IQSEC3: variants seen among roughly 807,000 people sequenced by gnomAD.
IQSEC3 encodes the protein IQ motif and Sec7 domain ArfGEF 3, also known as IQ motif and SEC7 domain-containing protein 3.
Under a neutral mutation model 105.4 loss-of-function variants are expected in IQSEC3, and 50 were observed. The ratio of observed to expected loss-of-function variants is 0.47; its 90% CI spans 0.38 to 0.60. IQSEC3 has a LOEUF of 0.60. Among genes scored for constraint, IQSEC3 ranks in the 20% least tolerant of loss-of-function variants. The pLI is 0.00. For missense variants in IQSEC3, 1,415 were observed against 1,630.0 expected (o/e 0.87, Z 2.27); for synonymous variants, 708 against 746.0 (o/e 0.95, Z 0.83).
chr12:156,234 A>T (rs1240827953), intron 5 of IQSEC3, among the ~76,000 whole-genome samples: 1 of 152,078 alleles, frequency 6.6e-6, no homozygotes, highest in Non-Finnish European at 1.5e-5. Context: ...AGCATTTCAG[A>T]GGTAGCAAGG....
intron 11 of IQSEC3, among the ~76,000 whole-genome samples, chr12:168,575 C>T (rs1938800279): frequency 1.3e-5 from 2 of 152,318 alleles, no homozygotes; most frequent in African/African-American, 4.8e-5. Context: ...TTAAGGAGTA[C>T]AGGTCACTAG....
chr12:120,815 T>C (rs1441207213), intron 2 of IQSEC3, among the ~76,000 whole-genome samples: 2 of 152,180 alleles, frequency 1.3e-5, no homozygotes, highest in African/African-American at 4.8e-5. Context: ...ATCAGCCTAA[T>C]GTCATGTGAA....
chr12:141,166 C>T lies in IQSEC3; in HGVS notation c.2034C>T (p.Phe678=), dbSNP rs1866008168. 1.2e-6 allele frequency: 2 copies of T among 1,612,248 alleles called. No homozygotes were observed. Among genetic ancestry groups the T allele is most frequent in the Admixed American group, 1.7e-5 (1 of 59,918 alleles). Residue 678 remains phenylalanine, a synonymous_variant, in exon 5 of 14, where the codon TTC becomes TTT. Transcript: ENST00000538872. ...KGIQFLISRG[F]IPDTPIGVAH... is the part of the protein sequence containing the mutation. ...TCCAGTTCCTGATCTCACGCGGCTTCATCCCGGACACCCCCATCGGTGTGG... is the reference window on the plus strand; with the variant it reads ...TCCAGTTCCTGATCTCACGCGGCTTTATCCCGGACACCCCCATCGGTGTGG...
Position 174,886 on chromosome 12 carries a change from G to T in IQSEC3, c.3402G>T (p.Leu1134=), listed in dbSNP as rs767773493. 1,311 of 1,571,784 alleles carry T rather than the reference G, an allele frequency of 8.3e-4. 3 individuals carry two copies. Among genetic ancestry groups the T allele is most frequent in the Middle Eastern group, 1.7e-3 (10 of 6,008 alleles). ...CTGACTCCTGCGGCTCCACACCCCT[G>T]GGCGGTCCCGGCTCTCCGGTCAAGG... ...SSSDSCGSTP[L]GGPGSPVKVT... is the part of the protein sequence containing the mutation. The change falls in exon 14 of 14, where the codon CTG becomes CTT. Residue 1134 remains leucine, a synonymous_variant. Transcript: ENST00000538872.
intron 2 of IQSEC3, among the ~76,000 whole-genome samples, chr12:103,552 G>A (rs139761939): frequency 0.041 from 314 of 7,716 alleles, 39 homozygotes; most frequent in Middle Eastern, 0.1. Flanking sequence ...GGTGGAGTTC[G>A]GTGGGGAGGC....
chr12:138,916 C>A lies in IQSEC3; in HGVS notation c.1553C>A (p.Ala518Asp). The change falls in exon 4 of 14, where the codon GCC (alanine) becomes GAC (aspartate). Residue 518 changes from alanine (A) to aspartate (D), a missense_variant. Physicochemically the swap from Ala to Asp is moderately radical, Grantham distance 126. Coordinates refer to ENST00000538872, the MANE Select transcript of IQSEC3 (RefSeq NM_001170738.2). This position sits in a 1 kb window ranked among gnomAD's most constrained non-coding sequence, Gnocchi z 7.1. The stretch of plus-strand genomic sequence containing the variant: ...TGCCTGGGCGCTCAGACGGTCCAGG[C>A]CCCCGCAGAGCCCGCGGCGGGCAAG... ...ANCLGAQTVQAPAEPAAGKAE... is the reference protein window; with the variant it reads ...ANCLGAQTVQDPAEPAAGKAE... 1 of 1,603,726 alleles carries A rather than the reference C, an allele frequency of 6.2e-7. No individual in the cohort carries two copies. The highest frequency in any genetic ancestry group is 2.2e-5 in the East Asian group (1 of 44,532).
At chr12:100,292 C>T (rs145269585) in intron 2 of IQSEC3, among the ~76,000 whole-genome samples, 75 of 152,332 alleles carry the variant, frequency 4.9e-4, no homozygotes, top group African/African-American at 1.7e-3. Flanking sequence ...GACCCAGAGA[C>T]TTGTCCACAG....
At chr12:81,063 C>T (rs985230722) in intron 1 of IQSEC3, among the ~76,000 whole-genome samples, 11 of 152,146 alleles carry the variant, frequency 7.2e-5, no homozygotes, top group Non-Finnish European at 1.5e-4. Flanking sequence ...ACTGGGATTT[C>T]CAGGTCCACC....
At position 141,105 on chromosome 12, in the gene IQSEC3, T is replaced by TGCCCCCCC; in HGVS notation, c.1992-19_1992-18insGCCCCCCC. ...GCTTCAGCTCACTCTCTACTGCTTC[T>TGCCCCCCC]CCCCACCCCCACCTCCAGAAACCCC... On this transcript the variant is annotated intron_variant, in intron 4 of 13. Coordinates refer to ENST00000538872, the MANE Select transcript of IQSEC3 (RefSeq NM_001170738.2). The TGCCCCCCC allele has an allele frequency of 1.3e-6, 2 of 1,578,014 alleles. No homozygotes were observed. Among genetic ancestry groups the TGCCCCCCC allele is most frequent in the Non-Finnish European group, 1.7e-6 (2 of 1,151,372 alleles).
At chr12:124,308 G>C (rs1481474109) in intron 2 of IQSEC3, among the ~76,000 whole-genome samples, 1 of 146,156 alleles carries the variant, frequency 6.8e-6, no homozygotes, top group African/African-American at 2.5e-5. Context: ...AGAATCACTT[G>C]AATCCAGGAG....
intron 1 of IQSEC3, among the ~76,000 whole-genome samples, chr12:78,513 A>AT (rs1232496127): frequency 2.6e-5 from 4 of 151,198 alleles, no homozygotes; most frequent in Non-Finnish European, 5.9e-5. Context: ...AGCAAAAAAA[A>AT]AAAATAAATT....
At chr12:76,226 GA>G in intron 1 of IQSEC3, among the ~76,000 whole-genome samples, 1 of 152,374 alleles carries the variant, frequency 6.6e-6, no homozygotes, top group South Asian at 2.1e-4. Flanking sequence ...TGGGGGAAAA[GA>G]GAGGAAAGAG....
intron 3 of IQSEC3, among the ~76,000 whole-genome samples, chr12:129,514 G>A (rs1340643228): frequency 3.3e-5 from 5 of 152,044 alleles, no homozygotes; most frequent in African/African-American, 4.8e-5. Context: ...CTCTGCCTTC[G>A]ACCCTCTCAC....
At chr12:75,663 G>T (rs1244220408) in intron 1 of IQSEC3, among the ~76,000 whole-genome samples, 1 of 152,278 alleles carries the variant, frequency 6.6e-6, no homozygotes, top group Non-Finnish European at 1.5e-5. Context: ...GAGCCTGAAG[G>T]GGATGGGAGA....
intron 2 of IQSEC3, among the ~76,000 whole-genome samples, chr12:113,223 A>T (rs565399390): frequency 6.6e-6 from 1 of 152,302 alleles, no homozygotes; most frequent in African/African-American, 2.4e-5. Flanking sequence ...TCGATACTGC[A>T]TTTTCCGAGT....
At chr12:173,669 G>T (rs1265603738) in intron 13 of IQSEC3, among the ~76,000 whole-genome samples, 2 of 152,214 alleles carry the variant, frequency 1.3e-5, no homozygotes, top group Admixed American at 1.3e-4. Context: ...AGACCCAGGG[G>T]TTTGGAGGGG....
intron 1 of IQSEC3, among the ~76,000 whole-genome samples, chr12:69,023 T>C (rs1229682249): frequency 6.6e-6 from 1 of 152,244 alleles, no homozygotes; most frequent in African/African-American, 2.4e-5. Flanking sequence ...AGAAAGTCAG[T>C]TTTCCCTCAA....
Position 110,004 on chromosome 12 carries a change from A to G in IQSEC3, c.623+10790A>G, listed in dbSNP as rs557978021. 6.5e-4 allele frequency among the ~76,000 whole-genome samples: 99 copies of G among 152,322 alleles called. 1 individual carries two copies. The highest frequency in any genetic ancestry group is 2.3e-3 in the African/African-American group (96 of 41,568). ...TCTGTCGAAACAACAAAGATTCAGC[A>G]ACAACTTTTATCAACAGCTTTCAGC... On this transcript the variant is annotated intron_variant, in intron 2 of 13. Transcript: ENST00000538872.
intron 5 of IQSEC3, among the ~76,000 whole-genome samples, chr12:156,369 G>A (rs1591736349): frequency 6.6e-6 from 1 of 152,316 alleles, no homozygotes; most frequent in Non-Finnish European, 1.5e-5. Flanking sequence ...ATCTGACCCT[G>A]CGTGTCACGC....
Sources: allele counts gnomAD v4.1 joint callset (sites outside exome capture counted in the v4.1 genomes callset), GRCh38; gene constraint gnomAD v4.1.1; non-coding constraint Gnocchi (gnomAD v3.1); transcripts MANE v1.5; gene names NCBI Gene and HGNC (gene_info 2026-07-23, HGNC 2026-07-21).